The following RAD18 variants were observed in gnomAD, a reference collection of about 807,000 sequenced individuals.
RAD18 encodes RAD18 E3 ubiquitin protein ligase, also known as E3 ubiquitin-protein ligase RAD18.
In RAD18, 47 loss-of-function variants were observed where a neutral mutation model predicts 60.4. That is an observed-to-expected ratio of 0.78 (90% CI 0.62 to 0.99). The LOEUF (loss-of-function observed/expected upper bound fraction) is 0.99, where lower values mean the gene tolerates loss of function less well. RAD18 is among the 50% of genes least tolerant of loss of function. The pLI is 0.00. For synonymous variants in RAD18, 225 were observed against 195.5 expected (o/e 1.15, Z -1.26); for missense variants, 640 against 593.3 (o/e 1.08, Z -0.82).
intron 10 of RAD18, among the ~76,000 whole-genome samples, chr3:8,901,428 CATA>C (rs890547562): frequency 6.3e-4 from 96 of 152,196 alleles, no homozygotes; most frequent in African/African-American, 2.3e-3. Context: ...CAAAATATGA[CATA>C]TACATACTAT....
chr3:8,910,017 G>A (rs1434208018), intron 9 of RAD18, among the ~76,000 whole-genome samples: 1 of 152,170 alleles, frequency 6.6e-6, no homozygotes, highest in African/African-American at 2.4e-5. Context: ...GAACTTGGAA[G>A]AAGTGAACCA....
At chr3:8,942,343 C>CAT (rs1559793970) in intron 4 of RAD18, among the ~76,000 whole-genome samples, 5 of 152,166 alleles carry the variant, frequency 3.3e-5, no homozygotes, top group South Asian at 2.1e-4. Flanking sequence ...ACATGCTGCC[C>CAT]GTCTTTTGTT....
chr3:8,949,478 A>G (rs549400152), intron 2 of RAD18, among the ~76,000 whole-genome samples: 2 of 152,316 alleles, frequency 1.3e-5, no homozygotes, highest in East Asian at 3.9e-4. Context: ...AAAGGATAAA[A>G]CAGACAACAG....
intron 1 of RAD18, among the ~76,000 whole-genome samples, chr3:8,961,862 A>C (rs537620696): frequency 6.6e-6 from 1 of 152,352 alleles, no homozygotes; most frequent in South Asian, 2.1e-4. Context: ...AATTGTGGGA[A>C]TATGTAAAGT....
intron 2 of RAD18, 117 bp downstream of exon 2, chr3:8,958,803 C>T (rs1316153618): frequency 2.6e-6 from 2 of 781,330 alleles, no homozygotes; most frequent in Non-Finnish European, 4.2e-6. Flanking sequence ...TGAAAAACTA[C>T]AAGATAGAAG....
At chr3:8,900,933 T>TA (rs1401445642) in intron 10 of RAD18, among the ~76,000 whole-genome samples, 1 of 152,088 alleles carries the variant, frequency 6.6e-6, no homozygotes, top group Non-Finnish European at 1.5e-5. Context: ...TTCAACTAAT[T>TA]AAAAAAACTT....
At chr3:8,913,761 C>CT (rs1444807637) in intron 7 of RAD18, 41 bp from the exon 8 acceptor site, 2 of 1,279,214 alleles carry the variant, frequency 1.6e-6, no homozygotes, top group Non-Finnish European at 2.2e-6. Flanking sequence ...AATCACATGT[C>CT]TTTTTTAATC....
rs1464965936 is a variant in RAD18, at chr3:8,877,866, G to A, written c.*3491C>T. On this transcript the variant is annotated 3_prime_UTR_variant, in exon 13 of 13. Transcript: ENST00000264926. ...AAGAGAAAAGAGAAAGAGTGAAAGG[G>A]GAAGAGAGAGGAAGCAAATTTTTGC... The A allele has an allele frequency of 6.6e-6, 1 of 152,150 alleles. No homozygotes were observed. Among genetic ancestry groups the A allele is most frequent in the African/African-American group, 2.4e-5 (1 of 41,414 alleles). 9.4% of individuals were successfully genotyped at this position (152,150 alleles called of 1,614,324 possible). A position where few individuals can be genotyped will look rare whatever the true frequency, so the allele number is the denominator to read the frequency against.
chr3:8,910,887 CA>C (rs1452699203), intron 9 of RAD18, among the ~76,000 whole-genome samples: 2 of 151,956 alleles, frequency 1.3e-5, no homozygotes, highest in Non-Finnish European at 2.9e-5. Flanking sequence ...AGGTAATTAC[CA>C]AAAGTAGCAC....
In RAD18 at chr3:8,930,353, A is replaced by G. The variant is rs1286178413; in HGVS notation, c.889+5518T>C. Among the ~76,000 whole-genome samples the G allele has an allele frequency of 2.0e-5, 3 of 152,242 alleles. No homozygotes were observed. In the South Asian group the frequency reaches 6.2e-4, roughly 32 times the overall value. ...GTTCCACTTAAATGGAATATCCAGA[A>G]TAGACAACTCTATAGAGACAGAAGT... is the stretch of plus-strand genomic sequence containing the variant. On this transcript the variant is annotated intron_variant, in intron 7 of 12. Transcript: ENST00000264926.
intron 7 of RAD18, among the ~76,000 whole-genome samples, chr3:8,914,902 G>A (rs1940170768): frequency 6.6e-6 from 1 of 152,242 alleles, no homozygotes; most frequent in Non-Finnish European, 1.5e-5. Context: ...ACTTTGAGAG[G>A]CCGAAGCGGG....
rs1240705171 is a variant in RAD18, at chr3:8,877,930, C to G, written c.*3427G>C. 1.3e-5 allele frequency: 2 copies of G among 152,176 alleles called. No homozygotes were observed. The highest frequency in any genetic ancestry group is 2.9e-5 in the Non-Finnish European group (2 of 68,056). 9.4% of individuals were successfully genotyped at this position (152,176 alleles called of 1,614,324 possible). On this transcript the variant is annotated 3_prime_UTR_variant, in exon 13 of 13. Transcript: ENST00000264926. ...GTCCGGGTGATAGTACACTAGCAAA[C>G]CAGGAAAGCACACTCCCATTTCCAC... is the stretch of plus-strand genomic sequence containing the variant.
At chr3:8,906,284 T>G (rs1204880614) in intron 9 of RAD18, among the ~76,000 whole-genome samples, 1 of 152,032 alleles carries the variant, frequency 6.6e-6, no homozygotes, top group African/African-American at 2.4e-5. Context: ...AGCCACTGAG[T>G]TAAATATCTC....
intron 5 of RAD18, among the ~76,000 whole-genome samples, chr3:8,940,422 C>G (rs11707766): frequency 0.13 from 19,323 of 152,042 alleles, 1,408 homozygotes; most frequent in East Asian, 0.23. Flanking sequence ...GGTAAAAAGA[C>G]TAAGGATAGA....
At chr3:8,941,325 C>T in intron 5 of RAD18, 142 bp downstream of exon 5, 1 of 753,166 alleles carries the variant, frequency 1.3e-6, no homozygotes. Context: ...AACATATCTA[C>T]AACAATGTCT....
chr3:8,942,177 A>G (rs1940761276), intron 4 of RAD18, among the ~76,000 whole-genome samples: 1 of 152,200 alleles, frequency 6.6e-6, no homozygotes, highest in South Asian at 2.1e-4. Flanking sequence ...GACCTGGTGG[A>G]AGGTGACTGG....
At chr3:8,925,475 C>T (rs4684616) in intron 7 of RAD18, among the ~76,000 whole-genome samples, 105,004 of 152,024 alleles carry the variant, frequency 0.69, 36,819 homozygotes, top group Middle Eastern at 0.77. Flanking sequence ...CGAATTCCAC[C>T]AGAGGTACAA....
intron 7 of RAD18, among the ~76,000 whole-genome samples, chr3:8,926,531 C>T (rs1437014210): frequency 6.6e-6 from 1 of 152,192 alleles, no homozygotes; most frequent in Admixed American, 6.5e-5. Flanking sequence ...CTACCAATGA[C>T]TTTCTTCACA....
At chr3:8,938,615 A>T (rs1272072219) in intron 6 of RAD18, among the ~76,000 whole-genome samples, 1 of 152,076 alleles carries the variant, frequency 6.6e-6, no homozygotes, top group East Asian at 1.9e-4. Flanking sequence ...TCCTTTCTGC[A>T]TGTCAAGGAT....
Sources: gnomAD v4.1 joint callset for allele counts (sites outside exome capture counted in the v4.1 genomes callset) on GRCh38, gnomAD v4.1.1 for gene constraint, MANE v1.5 for transcripts, NCBI Gene and HGNC (gene_info 2026-07-23, HGNC 2026-07-21) for gene names.